Variants in B4GALNT3 observed in about 807,000 individuals in gnomAD.
The protein encoded by B4GALNT3 is beta-1,4-N-acetyl-galactosaminyltransferase 3.
B4GALNT3 carries 86 observed loss-of-function variants against 120.2 expected under a neutral mutation model. That is an observed-to-expected ratio of 0.72 (90% CI 0.60 to 0.86). B4GALNT3 has a LOEUF of 0.86. Ranked by LOEUF, B4GALNT3 falls within the 40% of genes least tolerant of loss-of-function variation. The pLI, the probability that B4GALNT3 is intolerant of heterozygous loss-of-function variation, is 0.00. For missense variants in B4GALNT3, 1,167 were observed against 1,298.9 expected (o/e 0.90, Z 1.56); for synonymous variants, 518 against 510.4 (o/e 1.01, Z -0.20).
At chr12:537,557 C>A (rs548931977) in intron 3 of B4GALNT3, among the ~76,000 whole-genome samples, 9 of 152,264 alleles carry the variant, frequency 5.9e-5, no homozygotes, top group Middle Eastern at 3.4e-3. Context: ...ATACTTGGCC[C>A]CAGATTCTTT....
Position 548,145 on chromosome 12 carries a change from G to T in B4GALNT3, c.786+43G>T. The T allele has an allele frequency of 6.2e-7, 1 of 1,608,222 alleles. No homozygotes were observed. Among genetic ancestry groups the T allele is most frequent in the Non-Finnish European group, 8.5e-7 (1 of 1,174,728 alleles). On this transcript the variant is annotated intron_variant, in intron 8 of 19. Coordinates refer to ENST00000266383, the MANE Select transcript of B4GALNT3 (RefSeq NM_173593.4). The surrounding 1 kb of genome is among the most constrained non-coding windows in gnomAD (Gnocchi z 4.9). ...CCCGCCTCTCCCAGCTCAGTTCCTG[G>T]CACTCATCTCCCCTTGTCCCTTGAC...
chr12:543,036 G>C (rs1037721084), intron 3 of B4GALNT3: 14 of 1,155,388 alleles, frequency 1.2e-5, no homozygotes, highest in Admixed American at 1.2e-4. Context: ...GCTCCTCCTA[G>C]TTCCCTGTCC....
At chr12:522,907 G>A (rs950092095) in intron 1 of B4GALNT3, among the ~76,000 whole-genome samples, 5 of 130,062 alleles carry the variant, frequency 3.8e-5, no homozygotes, top group Admixed American at 1.9e-4. Flanking sequence ...ACTGTACTCT[G>A]CACTCCAGCT....
intron 1 of B4GALNT3, among the ~76,000 whole-genome samples, chr12:516,145 CAAAA>C: frequency 1.3e-5 from 1 of 76,836 alleles, no homozygotes; most frequent in South Asian, 4.2e-4. Flanking sequence ...GACTCCGTCT[CAAAA>C]AAAAAAAAAA....
At chr12:480,968 C>T (rs988531546) in intron 1 of B4GALNT3, among the ~76,000 whole-genome samples, 3 of 152,250 alleles carry the variant, frequency 2.0e-5, no homozygotes, top group Admixed American at 2.0e-4. Context: ...CGGCAGCCAA[C>T]ACAGAAACAC....
rs145535901 is a variant in B4GALNT3 at position 530,297 on chromosome 12, G to A, written c.170-4869G>A. Among the ~76,000 whole-genome samples, 223 of 152,334 alleles carry A rather than the reference G, an allele frequency of 1.5e-3. 1 individual carries two copies. The highest frequency in any genetic ancestry group is 5.2e-3 in the African/African-American group (217 of 41,572). On this transcript the variant is annotated intron_variant, in intron 1 of 19. Transcript: ENST00000266383. ...GTTAGTCCTGGGCCTTTATTAACAGGGTTTAGGATTTATACTTACGTGAGA... is the reference window on the plus strand; with the variant it reads ...GTTAGTCCTGGGCCTTTATTAACAGAGTTTAGGATTTATACTTACGTGAGA...
At chr12:479,383 C>G (rs1228435518) in intron 1 of B4GALNT3, among the ~76,000 whole-genome samples, 3 of 152,112 alleles carry the variant, frequency 2.0e-5, no homozygotes, top group East Asian at 3.9e-4. Context: ...CCCACTCTGC[C>G]CAGATCCCTT....
At chr12:494,566 G>T (rs2120516889) in intron 1 of B4GALNT3, among the ~76,000 whole-genome samples, 1 of 152,260 alleles carries the variant, frequency 6.6e-6, no homozygotes, top group Middle Eastern at 3.4e-3. Flanking sequence ...ATAGCTTAAG[G>T]TGTTGAGGCC....
chr12:521,732 G>A lies in B4GALNT3; in HGVS notation c.170-13434G>A, dbSNP rs371739258. On this transcript the variant is annotated intron_variant, in intron 1 of 19. Coordinates refer to ENST00000266383, the MANE Select transcript of B4GALNT3 (RefSeq NM_173593.4). ...ACTGACACGTTGATGTTGCCGCAGC[G>A]TCCGATTGCACTAATTCTACGTGCT... Among the ~76,000 whole-genome samples the A allele has an allele frequency of 2.8e-4, 42 of 152,266 alleles. No homozygotes were observed. In the South Asian group the frequency reaches 4.4e-3, roughly 16 times the overall value.
At chr12:547,559 ACGCCGTGTGC>A (rs1947023763) in intron 7 of B4GALNT3, among the ~76,000 whole-genome samples, 1 of 152,180 alleles carries the variant, frequency 6.6e-6, no homozygotes, top group African/African-American at 2.4e-5. Flanking sequence ...CGTGGTGGGT[ACGCCGTGTGC>A]AGCTCCGCAG....
chr12:464,105 G>A (rs543209854), intron 1 of B4GALNT3, among the ~76,000 whole-genome samples: 3 of 152,266 alleles, frequency 2.0e-5, no homozygotes, highest in East Asian at 1.9e-4. Flanking sequence ...GGAGGGGTCC[G>A]GGTGGCAGTG....
chr12:558,368 G>A, intron 17 of B4GALNT3, 140 bp from the exon 18 acceptor site: 7 of 841,468 alleles, frequency 8.3e-6, no homozygotes, highest in Non-Finnish European at 1.3e-5. Flanking sequence ...CAGCACTGTG[G>A]AACTCTGCCC....
intron 1 of B4GALNT3, among the ~76,000 whole-genome samples, chr12:470,607 G>A (rs1224431014): frequency 1.3e-5 from 2 of 152,252 alleles, no homozygotes; most frequent in Non-Finnish European, 2.9e-5. Flanking sequence ...GAGATGGGCA[G>A]CACGTCCCAG....
chr12:489,831 G>A (rs1231113214), intron 1 of B4GALNT3, among the ~76,000 whole-genome samples: 1 of 152,132 alleles, frequency 6.6e-6, no homozygotes, highest in Non-Finnish European at 1.5e-5. Context: ...AAGCTCACAT[G>A]GAACATTTAC....
chr12:529,727 G>A (rs1268242232), intron 1 of B4GALNT3, among the ~76,000 whole-genome samples: 1 of 150,688 alleles, frequency 6.6e-6, no homozygotes, highest in Non-Finnish European at 1.5e-5. Context: ...AACTACTTAG[G>A]AGCAAAAGCA....
Position 511,455 on chromosome 12 carries a change from T to TCCAC in B4GALNT3, c.170-23710_170-23709insCACC, listed in dbSNP as rs1555154921. 1.2e-4 allele frequency among the ~76,000 whole-genome samples: 5 copies of TCCAC among 41,980 alleles called. No homozygotes were observed. In the Admixed American group the frequency reaches 1.2e-3, roughly 10 times the overall value. 27.5% of individuals were successfully genotyped at this position (41,980 alleles called of 152,430 possible). On this transcript the variant is annotated intron_variant, in intron 1 of 19. Coordinates refer to ENST00000266383, the MANE Select transcript of B4GALNT3 (RefSeq NM_173593.4). Reference sequence around the variant, plus strand: ...TTCTTCCACCTTCCACCTTCCACCTTCTTCCACCTTCCACCTTCTTCCACC... The same window carrying TCCAC: ...TTCTTCCACCTTCCACCTTCCACCTTCCACCTTCCACCTTCCACCTTCTTCCACC...
At chr12:486,130 T>C (rs1039117003) in intron 1 of B4GALNT3, among the ~76,000 whole-genome samples, 3 of 151,938 alleles carry the variant, frequency 2.0e-5, no homozygotes, top group African/African-American at 7.3e-5. Flanking sequence ...TCCCTGTACA[T>C]TTTGGAGAAA....
intron 1 of B4GALNT3, among the ~76,000 whole-genome samples, chr12:494,947 G>C (rs961711555): frequency 3.3e-5 from 5 of 152,208 alleles, no homozygotes; most frequent in Admixed American, 3.3e-4. Context: ...TTAGCTACAA[G>C]TGAGGAAACC....
chr12:491,117 C>T (rs1946336333), intron 1 of B4GALNT3, among the ~76,000 whole-genome samples: 1 of 152,044 alleles, frequency 6.6e-6, no homozygotes, highest in Non-Finnish European at 1.5e-5. Flanking sequence ...AACATAGATG[C>T]AAAAATCCTC....
Sources: gnomAD v4.1 joint callset for allele counts (sites outside exome capture counted in the v4.1 genomes callset) on GRCh38, gnomAD v4.1.1 for gene constraint, Gnocchi (gnomAD v3.1) non-coding constraint, MANE v1.5 for transcripts, NCBI Gene and HGNC (gene_info 2026-07-23, HGNC 2026-07-21) for gene names.